AGBL4: variants seen among roughly 807,000 people sequenced by gnomAD.
The protein encoded by AGBL4 is AGBL carboxypeptidase 4, also known as cytosolic carboxypeptidase 6.
AGBL4 carries 58 observed loss-of-function variants against 66.4 expected under a neutral mutation model. The observed-to-expected ratio is 0.87, with a 90% CI of 0.71 to 1.09. The LOEUF is 1.09. AGBL4 is among the 50% of genes least tolerant of loss of function. AGBL4 has a pLI of 0.00. For synonymous variants in AGBL4, 234 were observed against 222.9 expected, an observed-to-expected ratio of 1.05 and a Z score of -0.44; for missense variants, 579 against 631.0, an observed-to-expected ratio of 0.92 and a Z score of 0.88.
chr1:49,941,006 A>C (rs1557601475), intron 1 of AGBL4, among the ~76,000 whole-genome samples: 2 of 152,162 alleles, frequency 1.3e-5, no homozygotes, highest in African/African-American at 4.8e-5. Flanking sequence ...CACCACAGAA[A>C]TACAAAGGAT....
chr1:49,092,815 A>G (rs1645026089), intron 4 of AGBL4, among the ~76,000 whole-genome samples: 1 of 152,076 alleles, frequency 6.6e-6, no homozygotes, highest in Admixed American at 6.6e-5. Context: ...TGAAAGAGTG[A>G]ATGGCTTTCT....
intron 1 of AGBL4, among the ~76,000 whole-genome samples, chr1:49,852,381 G>A (rs1486843995): frequency 6.6e-6 from 1 of 152,138 alleles, no homozygotes; most frequent in Non-Finnish European, 1.5e-5. Context: ...AAGGAAATAT[G>A]AGAGTGTGGA....
intron 3 of AGBL4, among the ~76,000 whole-genome samples, chr1:49,669,282 A>T (rs1448482722): frequency 1.3e-5 from 2 of 152,150 alleles, no homozygotes; most frequent in Admixed American, 6.6e-5. Flanking sequence ...AACTGAGGGT[A>T]GAAAGACACA....
chr1:49,288,759 A>G (rs1644476766), intron 3 of AGBL4, among the ~76,000 whole-genome samples: 1 of 152,218 alleles, frequency 6.6e-6, no homozygotes. Context: ...GGGACTGTGC[A>G]CTTGAGATGA....
intron 11 of AGBL4, among the ~76,000 whole-genome samples, chr1:48,580,465 A>T (rs1277596407): frequency 6.6e-6 from 1 of 152,236 alleles, no homozygotes; most frequent in Non-Finnish European, 1.5e-5. Context: ...CCTTGGTCAC[A>T]TGAGCAGCCT....
chr1:49,964,403 C>T (rs576550659), intron 1 of AGBL4, among the ~76,000 whole-genome samples: 2 of 152,148 alleles, frequency 1.3e-5, no homozygotes, highest in African/African-American at 2.4e-5. Flanking sequence ...AAAGCCTTAA[C>T]GTAGTACCTG....
chr1:48,637,300 A>G lies in AGBL4; in HGVS notation c.840-2696T>C, dbSNP rs180925350. 2.2e-3 allele frequency among the ~76,000 whole-genome samples: 333 copies of G among 152,278 alleles called. 2 individuals carry two copies. The highest frequency in any genetic ancestry group is 7.8e-3 in the African/African-American group (324 of 41,552). On this transcript the variant is annotated intron_variant, in intron 8 of 13. Transcript: ENST00000371839. The stretch of plus-strand genomic sequence containing the variant: ...CAGGGATGACCTCTTCTTTTCCTTC[A>G]GTCTGGGAATTAGGCAGATCTGAGT...
At chr1:49,332,570 A>G (rs1334334347) in intron 3 of AGBL4, among the ~76,000 whole-genome samples, 1 of 152,234 alleles carries the variant, frequency 6.6e-6, no homozygotes, top group East Asian at 1.9e-4. Flanking sequence ...GATTTTAAAC[A>G]AAACACTAGT....
chr1:49,577,537 G>T (rs913555315), intron 3 of AGBL4, among the ~76,000 whole-genome samples: 20 of 152,198 alleles, frequency 1.3e-4, no homozygotes, highest in African/African-American at 4.3e-4. Context: ...GCAGAGGTTT[G>T]TCCTCACTGG....
chr1:48,577,510 C>A (rs920949952), intron 11 of AGBL4, among the ~76,000 whole-genome samples: 1 of 152,168 alleles, frequency 6.6e-6, no homozygotes, highest in East Asian at 1.9e-4. Flanking sequence ...AACTTGACAA[C>A]AGCAGATAAA....
chr1:49,754,078 A>G (rs969188669), intron 2 of AGBL4, among the ~76,000 whole-genome samples: 14 of 152,138 alleles, frequency 9.2e-5, no homozygotes, highest in African/African-American at 3.4e-4. Flanking sequence ...CTGTCAATTC[A>G]TCAAACTTAC....
At chr1:49,748,898 T>C (rs1013094278) in intron 2 of AGBL4, among the ~76,000 whole-genome samples, 1 of 152,200 alleles carries the variant, frequency 6.6e-6, no homozygotes, top group Non-Finnish European at 1.5e-5. Flanking sequence ...TTGTAGATTC[T>C]GGATATTAGC....
intron 8 of AGBL4, among the ~76,000 whole-genome samples, chr1:48,636,962 C>T (rs1645677259): frequency 6.6e-6 from 1 of 152,162 alleles, no homozygotes. Context: ...TATTAAGAAC[C>T]TTCTACACAC....
intron 1 of AGBL4, among the ~76,000 whole-genome samples, chr1:49,886,709 C>G (rs1178215951): frequency 6.6e-6 from 1 of 152,130 alleles, no homozygotes; most frequent in African/African-American, 2.4e-5. Context: ...ATTCTCCTTC[C>G]ATACAGACTG....
At chr1:48,929,276 C>T (rs540159750) in intron 5 of AGBL4, among the ~76,000 whole-genome samples, 17 of 152,282 alleles carry the variant, frequency 1.1e-4, no homozygotes, top group African/African-American at 4.1e-4. Context: ...GCCCCACCTA[C>T]ATCTCACCTA....
rs931120702 is a variant in AGBL4, at chr1:48,655,301, CTTTCT to C, written c.725-1855_725-1851del. On this transcript the variant is annotated intron_variant, in intron 7 of 13. Transcript: ENST00000371839. Reference sequence around the variant, plus strand: ...CCCATTCATCAGGAAATAGGGAGATCTTTCTTTTCTTTTCTTTTCTTTTTTTCTTT... The same window carrying C: ...CCCATTCATCAGGAAATAGGGAGATCTTTCTTTTCTTTTCTTTTTTTCTTT... 3.9e-5 allele frequency among the ~76,000 whole-genome samples: 6 copies of C among 152,168 alleles called. 1 individual carries two copies. The highest frequency in any genetic ancestry group is 1.9e-4 in the East Asian group (1 of 5,196).
At chr1:49,265,131 ATATT>A (rs1643890584) in intron 3 of AGBL4, among the ~76,000 whole-genome samples, 2 of 152,174 alleles carry the variant, frequency 1.3e-5, no homozygotes, top group Non-Finnish European at 2.9e-5. Context: ...ACAAATGGTT[ATATT>A]TAAACTTAAA....
intron 3 of AGBL4, among the ~76,000 whole-genome samples, chr1:49,360,082 T>G (rs1644106468): frequency 6.6e-6 from 1 of 152,198 alleles, no homozygotes; most frequent in Admixed American, 6.5e-5. Context: ...ATGGATCATC[T>G]TTCCACCAAG....
chr1:49,547,816 C>T (rs1286441510), intron 3 of AGBL4, among the ~76,000 whole-genome samples: 4 of 151,780 alleles, frequency 2.6e-5, no homozygotes, highest in African/African-American at 4.8e-5. Context: ...CTCTGTCACC[C>T]AGGCTGGAGT....
Sources: allele counts gnomAD v4.1 joint callset (sites outside exome capture counted in the v4.1 genomes callset), GRCh38; gene constraint gnomAD v4.1.1; transcripts MANE v1.5; gene names NCBI Gene and HGNC (gene_info 2026-07-23, HGNC 2026-07-21).